Variants in EPHB2 observed in about 807,000 individuals in gnomAD.
The protein encoded by EPHB2 is EPH receptor B2.
Under a neutral mutation model 96.4 loss-of-function variants are expected in EPHB2, and 18 were observed. The observed-to-expected ratio is 0.19, with a 90% CI of 0.13 to 0.28. The LOEUF is 0.28. Ranked by LOEUF, EPHB2 falls within the 10% of genes least tolerant of loss-of-function variation. The pLI is 1.00. For synonymous variants in EPHB2, 506 were observed against 534.1 expected, an observed-to-expected ratio of 0.95 and a Z score of 0.72; for missense variants, 989 against 1,355.4, an observed-to-expected ratio of 0.73 and a Z score of 4.25.
chr1:22,781,387 G>A (rs780793777), intron 1 of EPHB2, 34 bp from the exon 2 acceptor site: 3 of 1,608,430 alleles, frequency 1.9e-6, no homozygotes, highest in East Asian at 2.2e-5. Flanking sequence ...CCTGGTAGGT[G>A]GGGCGGGGTG....
chr1:22,769,959 G>A (rs2148405204), intron 1 of EPHB2, among the ~76,000 whole-genome samples: 2 of 152,272 alleles, frequency 1.3e-5, no homozygotes, highest in East Asian at 3.9e-4. Flanking sequence ...AATTGGTGGT[G>A]TAAGGATAGA....
intron 9 of EPHB2, among the ~76,000 whole-genome samples, chr1:22,904,589 C>T (rs1057342397): frequency 4.6e-5 from 7 of 152,110 alleles, no homozygotes; most frequent in South Asian, 2.1e-4. Context: ...ATAAAGCTAA[C>T]GTGTTAGAGC....
rs1570270649 is a variant in EPHB2 at position 22,784,252 on chromosome 1, C to A, written c.127-140C>A. ...TCCCACCTGATTGGCATGTCTCCCC[C>A]ATCAGATTGGGAATTCTCTGATGTC... is the stretch of plus-strand genomic sequence containing the variant. On this transcript the variant is annotated intron_variant, in intron 2 of 15. Transcript: ENST00000374630. The surrounding 1 kb of genome is among the most constrained non-coding windows in gnomAD (Gnocchi z 5.1). 1 of 775,710 alleles carries A rather than the reference C, an allele frequency of 1.3e-6. No homozygotes were observed. Among genetic ancestry groups the A allele is most frequent in the East Asian group, 2.7e-5 (1 of 37,448 alleles). The allele number at this position is 775,710 out of a possible 1,614,324, so 48.1% of individuals were successfully genotyped here.
intron 1 of EPHB2, among the ~76,000 whole-genome samples, chr1:22,727,882 ATCC>A (rs963839486): frequency 2.6e-5 from 4 of 151,350 alleles, no homozygotes; most frequent in African/African-American, 9.7e-5. Flanking sequence ...GGCTCAAGCA[ATCC>A]TCCTGCCCCA....
intron 3 of EPHB2, among the ~76,000 whole-genome samples, chr1:22,859,063 G>A (rs1239848685): frequency 6.6e-6 from 1 of 152,118 alleles, no homozygotes; most frequent in Non-Finnish European, 1.5e-5. Context: ...ACTTGAACCT[G>A]GGAGGCAGAG....
rs2148425392 is a variant in EPHB2, at chr1:22,784,979, G to A, written c.714G>A (p.Lys238=). ...ANAEEVDVPI[K]LYCNGDGEWL... is the part of the protein sequence containing the mutation. ...CGGAAGAGGTGGATGTACCCATCAA[G>A]CTCTACTGTAACGGGGACGGCGAGT... The change falls in exon 3 of 16, where the codon AAG becomes AAA. Residue 238 remains lysine, a synonymous_variant. Transcript: ENST00000374630. This position sits in a 1 kb window ranked among gnomAD's most constrained non-coding sequence, Gnocchi z 5.1. 6.2e-7 allele frequency: 1 copy of A among 1,614,052 alleles called. No individual in the cohort carries two copies.
In EPHB2 at chr1:22,784,452, A is replaced by G. The variant is rs751987143; in HGVS notation, c.187A>G (p.Asn63Asp). 1.9e-6 allele frequency: 3 copies of G among 1,614,200 alleles called. No homozygotes were observed. Among genetic ancestry groups the G allele is most frequent in the Non-Finnish European group, 2.5e-6 (3 of 1,180,032 alleles). The change falls in exon 3 of 16, where the codon AAC (asparagine) becomes GAC (aspartate). Residue 63 changes from asparagine (N) to aspartate (D), a missense_variant. By Grantham distance (23) the Asn-to-Asp change is conservative (BLOSUM62 1). Transcript: ENST00000374630. This position sits in a 1 kb window ranked among gnomAD's most constrained non-coding sequence, Gnocchi z 5.1. The part of the protein sequence containing the change: ...MNTIRTYQVC[N>D]VFESSQNNWL... ...CACGATCCGCACGTACCAGGTGTGC[A>G]ACGTGTTTGAGTCAAGCCAGAACAA...
intron 3 of EPHB2, among the ~76,000 whole-genome samples, chr1:22,856,461 GACC>G (rs554968272): frequency 3.7e-3 from 565 of 152,264 alleles, no homozygotes; most frequent in Non-Finnish European, 5.6e-3. Flanking sequence ...TGAGTTTGAG[GACC>G]AGGCGTTACT....
chr1:22,909,185 G>A lies in EPHB2; in HGVS notation c.2502+14G>A. 1.2e-6 allele frequency: 2 copies of A among 1,614,160 alleles called. No homozygotes were observed. The highest frequency in any genetic ancestry group is 1.7e-6 in the Non-Finnish European group (2 of 1,179,998). On this transcript the variant is annotated intron_variant, in intron 13 of 15. Coordinates refer to ENST00000374630, the MANE Select transcript of EPHB2 (RefSeq NM_017449.5). ...ACCAACCAGGATGTAAGTCTCCAAG[G>A]GGATAGGCAAGGCCTCTCTGGCCCA...
intron 1 of EPHB2, among the ~76,000 whole-genome samples, chr1:22,776,584 C>T (rs987840733): frequency 3.3e-5 from 5 of 152,178 alleles, no homozygotes; most frequent in African/African-American, 1.2e-4. Context: ...AATGATGTTC[C>T]GTACTTTGCA....
chr1:22,732,383 G>T (rs1448453814), intron 1 of EPHB2, among the ~76,000 whole-genome samples: 1 of 151,320 alleles, frequency 6.6e-6, no homozygotes, highest in African/African-American at 2.4e-5. Context: ...GGGGAAGCGC[G>T]TGGGGGGCCG....
At chr1:22,829,367 C>T (rs2148484036) in intron 3 of EPHB2, among the ~76,000 whole-genome samples, 1 of 152,342 alleles carries the variant, frequency 6.6e-6, no homozygotes, top group East Asian at 1.9e-4. Flanking sequence ...TAGGGGCCCA[C>T]CAGATCAGCT....
At chr1:22,907,145 A>G (rs375352289) in intron 11 of EPHB2, among the ~76,000 whole-genome samples, 188 bp downstream of exon 11, 24 of 152,198 alleles carry the variant, frequency 1.6e-4, no homozygotes, top group African/African-American at 5.1e-4. Flanking sequence ...ACTCTCATCC[A>G]CTAAGCCCAG....
chr1:22,746,674 A>G (rs6698922), intron 1 of EPHB2, among the ~76,000 whole-genome samples: 9,588 of 152,274 alleles, frequency 0.063, 857 homozygotes, highest in African/African-American at 0.19. Context: ...AGGCCCTCCA[A>G]TACACATCTC....
chr1:22,807,832 A>G (rs1365846330), intron 3 of EPHB2, among the ~76,000 whole-genome samples: 1 of 152,234 alleles, frequency 6.6e-6, no homozygotes, highest in Non-Finnish European at 1.5e-5. Flanking sequence ...GGCCAGGGGC[A>G]TAAAAGAAAA....
intron 9 of EPHB2, among the ~76,000 whole-genome samples, chr1:22,901,820 A>AGTGTGTGTGT (rs57503593): frequency 0.32 from 46,803 of 148,412 alleles, 8,373 homozygotes; most frequent in Non-Finnish European, 0.42. Context: ...TGTGTGTGTG[A>AGTGTGTGTGT]GTGTGTGTGT....
At chr1:22,776,597 C>T (rs1302582893) in intron 1 of EPHB2, among the ~76,000 whole-genome samples, 1 of 152,208 alleles carries the variant, frequency 6.6e-6, no homozygotes, top group Admixed American at 6.5e-5. Context: ...ACTTTGCAGA[C>T]AAACATTTTT....
intron 1 of EPHB2, among the ~76,000 whole-genome samples, chr1:22,760,158 C>A (rs780561881): frequency 6.6e-6 from 1 of 152,080 alleles, no homozygotes; most frequent in South Asian, 2.1e-4. Context: ...CATAACCTGA[C>A]TCAGTCTTGC....
intron 3 of EPHB2, among the ~76,000 whole-genome samples, chr1:22,821,288 A>G (rs1332798234): frequency 6.6e-6 from 1 of 152,250 alleles, no homozygotes; most frequent in Non-Finnish European, 1.5e-5. Context: ...GTCAGGAAGC[A>G]TAAGCTTGAT....
Sources: gnomAD v4.1 joint callset for allele counts (sites outside exome capture counted in the v4.1 genomes callset) on GRCh38, gnomAD v4.1.1 for gene constraint, Gnocchi (gnomAD v3.1) non-coding constraint, MANE v1.5 for transcripts, NCBI Gene and HGNC (gene_info 2026-07-23, HGNC 2026-07-21) for gene names.